The following NELL2 variants were observed in gnomAD, a reference collection of about 807,000 sequenced individuals.
NELL2 encodes the protein protein kinase C-binding protein NELL2.
Under a neutral mutation model 109.6 loss-of-function variants are expected in NELL2, and 41 were observed. The observed-to-expected ratio is 0.37, with a 90% CI of 0.29 to 0.49. The LOEUF (loss-of-function observed/expected upper bound fraction) is 0.49. Ranked by LOEUF, NELL2 falls within the 20% of genes least tolerant of loss-of-function variation. The probability of loss-of-function intolerance (pLI) is 0.98; values close to 1 mark genes in which losing one functional copy is unlikely to be tolerated. For synonymous variants in NELL2, 355 were observed against 344.7 expected (o/e 1.03, Z -0.33); for missense variants, 900 against 1,008.3 (o/e 0.89, Z 1.45).
intron 9 of NELL2, among the ~76,000 whole-genome samples, chr12:44,748,060 T>C (rs930015255): frequency 2.0e-5 from 3 of 152,110 alleles, no homozygotes; most frequent in Non-Finnish European, 4.4e-5. Context: ...AAATTGAGGA[T>C]TGTTCATCAG....
At chr12:44,745,832 C>A (rs548318076) in intron 9 of NELL2, among the ~76,000 whole-genome samples, 3 of 151,316 alleles carry the variant, frequency 2.0e-5, no homozygotes, top group Admixed American at 6.6e-5. Flanking sequence ...TCCATCCTCA[C>A]GGGTAGGAAG....
chr12:44,811,090 A>G (rs1388345325), intron 3 of NELL2, among the ~76,000 whole-genome samples: 1 of 152,010 alleles, frequency 6.6e-6, no homozygotes, highest in Admixed American at 6.6e-5. Context: ...AAAACCAAAC[A>G]CCGCATGTTC....
At chr12:44,541,350 A>T (rs573061243) in intron 15 of NELL2, among the ~76,000 whole-genome samples, 1 of 152,030 alleles carries the variant, frequency 6.6e-6, no homozygotes, top group African/African-American at 2.4e-5. Flanking sequence ...TTGAGAGAAT[A>T]TTTCATCTAT....
intron 13 of NELL2, among the ~76,000 whole-genome samples, chr12:44,627,584 C>G (rs1946313250): frequency 2.6e-5 from 4 of 152,086 alleles, no homozygotes; most frequent in African/African-American, 7.2e-5. Context: ...TAGTTGACTG[C>G]TCTGAGTCTG....
intron 15 of NELL2, 63 bp from the exon 16 acceptor site, chr12:44,532,784 T>C: frequency 6.8e-7 from 1 of 1,480,498 alleles, no homozygotes; most frequent in Non-Finnish European, 9.1e-7. Context: ...TAGAATATTC[T>C]GCTACAAGGC....
At chr12:44,767,670 T>C (rs1230205994) in intron 9 of NELL2, among the ~76,000 whole-genome samples, 1 of 152,132 alleles carries the variant, frequency 6.6e-6, no homozygotes, top group Non-Finnish European at 1.5e-5. Flanking sequence ...TAATAAACTA[T>C]ATAGTGGGAT....
At chr12:44,794,954 A>C (rs1408381650) in intron 3 of NELL2, among the ~76,000 whole-genome samples, 1 of 152,208 alleles carries the variant, frequency 6.6e-6, no homozygotes, top group Non-Finnish European at 1.5e-5. Flanking sequence ...AAATAAAGTT[A>C]ACCTTTTATA....
upstream of NELL2, among the ~76,000 whole-genome samples, chr12:44,914,530 T>G (rs940156676): frequency 2.0e-5 from 3 of 152,212 alleles, no homozygotes; most frequent in Non-Finnish European, 4.4e-5. Context: ...CCAGATTTTT[T>G]TCTACATAGC....
At chr12:44,798,724 T>A (rs1942719610) in intron 3 of NELL2, among the ~76,000 whole-genome samples, 1 of 152,032 alleles carries the variant, frequency 6.6e-6, no homozygotes, top group Non-Finnish European at 1.5e-5. Context: ...CTAAAATTTT[T>A]AAAAAGGTAT....
intron 9 of NELL2, among the ~76,000 whole-genome samples, chr12:44,749,104 T>G (rs1213674620): frequency 6.6e-6 from 1 of 152,128 alleles, no homozygotes; most frequent in Non-Finnish European, 1.5e-5. Context: ...TCATTAACAT[T>G]GACAAGGGTT....
At chr12:44,857,413 A>C (rs573005731) in intron 2 of NELL2, among the ~76,000 whole-genome samples, 2 of 152,178 alleles carry the variant, frequency 1.3e-5, no homozygotes, top group East Asian at 1.9e-4. Flanking sequence ...AGTAACAGGA[A>C]ATGTAGGGAA....
At chr12:44,829,731 T>G (rs1943827526) in intron 2 of NELL2, among the ~76,000 whole-genome samples, 1 of 152,180 alleles carries the variant, frequency 6.6e-6, no homozygotes, top group South Asian at 2.1e-4. Context: ...GCATTAAAGT[T>G]TATATATTTA....
intron 15 of NELL2, among the ~76,000 whole-genome samples, chr12:44,599,913 A>C (rs1483577433): frequency 6.6e-6 from 1 of 151,056 alleles, no homozygotes; most frequent in African/African-American, 2.4e-5. Context: ...CCCCCCAAAA[A>C]CAATGGAATA....
intron 3 of NELL2, among the ~76,000 whole-genome samples, chr12:44,781,743 A>T (rs1225295901): frequency 6.6e-6 from 1 of 152,072 alleles, no homozygotes; most frequent in Non-Finnish European, 1.5e-5. Flanking sequence ...AAGTGGTAAA[A>T]TATTTTTCAT....
chr12:44,772,962 A>G (rs1380868607), intron 9 of NELL2, among the ~76,000 whole-genome samples: 7 of 152,202 alleles, frequency 4.6e-5, no homozygotes, highest in Non-Finnish European at 4.4e-5. Context: ...CCGCATGTTT[A>G]TTGGGAAGAA....
At chr12:44,520,755 C>G (rs997589887) in intron 18 of NELL2, among the ~76,000 whole-genome samples, 1 of 151,860 alleles carries the variant, frequency 6.6e-6, no homozygotes, top group Non-Finnish European at 1.5e-5. Context: ...GAAACAAATC[C>G]TAGGAATTGA....
At chr12:44,724,285 T>C (rs963987100) in intron 9 of NELL2, among the ~76,000 whole-genome samples, 1 of 150,840 alleles carries the variant, frequency 6.6e-6, no homozygotes, top group African/African-American at 2.4e-5. Context: ...GAACCACCTG[T>C]TGGGTACTAT....
At chr12:44,908,857 G>A (rs1277457408) in intron 1 of NELL2, among the ~76,000 whole-genome samples, 1 of 151,884 alleles carries the variant, frequency 6.6e-6, no homozygotes, top group African/African-American at 2.4e-5. Flanking sequence ...AATATTAAAA[G>A]GGAATCTCTT....
At chr12:44,911,003 G>A (rs1317011701) in intron 1 of NELL2, among the ~76,000 whole-genome samples, 1 of 151,922 alleles carries the variant, frequency 6.6e-6, no homozygotes, top group Non-Finnish European at 1.5e-5. Flanking sequence ...CGACTAGATG[G>A]GGGAGGTAGG....
Sources: allele counts gnomAD v4.1 joint callset (sites outside exome capture counted in the v4.1 genomes callset), GRCh38; gene constraint gnomAD v4.1.1; transcripts MANE v1.5; gene names NCBI Gene and HGNC (gene_info 2026-07-23, HGNC 2026-07-21).